Variants in PLCG2 observed in about 807,000 individuals in gnomAD.
PLCG2 encodes 1-phosphatidylinositol 4,5-bisphosphate phosphodiesterase gamma-2.
Under a neutral mutation model 175.6 loss-of-function variants are expected in PLCG2, and 69 were observed. That is an observed-to-expected ratio of 0.39 (90% CI 0.32 to 0.48). The LOEUF is 0.48. PLCG2 is among the 20% of genes least tolerant of loss of function. PLCG2 has a pLI of 0.91. For synonymous variants in PLCG2, 827 were observed against 624.0 expected (o/e 1.33, Z -4.85); for missense variants, 1,798 against 1,650.9 (o/e 1.09, Z -1.54).
rs4580152 is a variant in PLCG2 at position 81,858,042 on chromosome 16, C to G, written c.338-221C>G. 12 of 508,682 alleles carry G rather than the reference C, an allele frequency of 2.4e-5. No individual in the cohort carries two copies. In the Admixed American group the frequency reaches 3.8e-4, roughly 16 times the overall value. 31.5% of individuals were successfully genotyped at this position (508,682 alleles called of 1,614,324 possible). On this transcript the variant is annotated intron_variant, in intron 3 of 32. Coordinates refer to ENST00000564138, the MANE Select transcript of PLCG2 (RefSeq NM_002661.5). ...CACAGGAAATAACCCACTTGTCATC[C>G]CTGTGGTACAAAGCTCATCATGAAT...
chr16:81,783,460 C>T (rs1040859873), intron 1 of PLCG2, among the ~76,000 whole-genome samples: 2 of 152,326 alleles, frequency 1.3e-5, no homozygotes, highest in African/African-American at 2.4e-5. Context: ...CCCTTAACCT[C>T]TTTTGAGAGT....
At chr16:81,857,490 G>T (rs970273047) in intron 3 of PLCG2, among the ~76,000 whole-genome samples, 1 of 151,458 alleles carries the variant, frequency 6.6e-6, no homozygotes, top group Non-Finnish European at 1.5e-5. Context: ...TCACAATTCT[G>T]GGGGCTGGGA....
intron 1 of PLCG2, among the ~76,000 whole-genome samples, chr16:81,743,625 G>C (rs1411293882): frequency 6.6e-6 from 1 of 152,170 alleles, no homozygotes; most frequent in Admixed American, 6.5e-5. Flanking sequence ...TATTGGAACT[G>C]GTGGGTTAGG....
At chr16:81,880,370 C>T (rs772333665) in intron 7 of PLCG2, among the ~76,000 whole-genome samples, 5 of 152,188 alleles carry the variant, frequency 3.3e-5, no homozygotes, top group Admixed American at 6.5e-5. Flanking sequence ...TGTGTCTACG[C>T]GCTTTTCCTT....
Position 81,910,672 on chromosome 16 carries a change from T to C in PLCG2, c.1886T>C (p.Leu629Pro). ...CACCTGCGCTGCGCCGAGTTCGAGC[T>C]GCGGCTCACGGACCCTGTGCCCAAC... The part of the protein sequence containing the change: ...ETHLRCAEFE[L>P]RLTDPVPNPN... Residue 629 changes from leucine (L) to proline (P), a missense_variant, in exon 18 of 33, where the codon CTG (leucine) becomes CCG (proline). Transcript: ENST00000564138. 1 of 1,613,052 alleles carries C rather than the reference T, an allele frequency of 6.2e-7. No homozygotes were observed. The highest frequency in any genetic ancestry group is 8.5e-7 in the Non-Finnish European group (1 of 1,179,998).
At chr16:81,887,569 G>T (rs1908432546) in intron 9 of PLCG2, among the ~76,000 whole-genome samples, 1 of 152,198 alleles carries the variant, frequency 6.6e-6, no homozygotes, top group African/African-American at 2.4e-5. Flanking sequence ...GTCAACAGCA[G>T]TTCATTTTTG....
At chr16:81,935,486 C>G in intron 26 of PLCG2, 1 of 976,642 alleles carries the variant, frequency 1.0e-6, no homozygotes, top group South Asian at 4.7e-5. Flanking sequence ...TGATGCTGTA[C>G]GTATTTTTTT....
At chr16:81,827,150 A>G (rs1237994393) in intron 2 of PLCG2, among the ~76,000 whole-genome samples, 1 of 151,160 alleles carries the variant, frequency 6.6e-6, no homozygotes, top group Admixed American at 6.6e-5. Flanking sequence ...ATGTGTGGTA[A>G]GGTGCATGGT....
intron 6 of PLCG2, among the ~76,000 whole-genome samples, chr16:81,869,625 A>G (rs139649867): frequency 1.3e-5 from 2 of 152,314 alleles, no homozygotes; most frequent in African/African-American, 2.4e-5. Context: ...AAATGAATGC[A>G]TGTATGTCTT....
At chr16:81,928,096 G>GCAGA (rs750003573) in intron 23 of PLCG2, among the ~76,000 whole-genome samples, 7 of 152,132 alleles carry the variant, frequency 4.6e-5, no homozygotes, top group Non-Finnish European at 8.8e-5. Flanking sequence ...GCAATGGGAG[G>GCAGA]CAGAGCTGGA....
chr16:81,859,589 C>T (rs932528230), intron 5 of PLCG2, among the ~76,000 whole-genome samples: 35 of 151,758 alleles, frequency 2.3e-4, no homozygotes, highest in Middle Eastern at 3.4e-3. Context: ...GGCTGGAGTG[C>T]AGTGGCATGA....
chr16:81,898,689 C>T (rs962894410), intron 13 of PLCG2: 2 of 152,162 alleles, frequency 1.3e-5, no homozygotes, highest in East Asian at 1.9e-4. Flanking sequence ...AAAACTCCAT[C>T]TATACAGTAT....
At chr16:81,842,819 G>A (rs150106094) in intron 2 of PLCG2, 1 of 152,180 alleles carries the variant, frequency 6.6e-6, no homozygotes, top group East Asian at 1.9e-4. Context: ...GTGAGAGGAA[G>A]CTATGAGACG....
chr16:81,832,406 T>C (rs1362688857), intron 2 of PLCG2, among the ~76,000 whole-genome samples: 1 of 152,236 alleles, frequency 6.6e-6, no homozygotes, highest in Admixed American at 6.5e-5. Flanking sequence ...CTGCCTTTTT[T>C]TGAGACACGA....
At chr16:81,830,519 C>G (rs1905217275) in intron 2 of PLCG2, among the ~76,000 whole-genome samples, 1 of 151,968 alleles carries the variant, frequency 6.6e-6, no homozygotes, top group African/African-American at 2.4e-5. Context: ...GTTGGCCATG[C>G]TGGTCTTGGA....
At chr16:81,805,509 A>AC (rs1464144468) in intron 2 of PLCG2, among the ~76,000 whole-genome samples, 5 of 150,984 alleles carry the variant, frequency 3.3e-5, no homozygotes, top group Non-Finnish European at 7.4e-5. Flanking sequence ...AGAAAAAAAA[A>AC]AAAAAAAAAC....
intron 7 of PLCG2, among the ~76,000 whole-genome samples, chr16:81,878,533 C>G (rs1031623586): frequency 1.3e-5 from 2 of 152,146 alleles, no homozygotes; most frequent in Non-Finnish European, 2.9e-5. Flanking sequence ...CAACTACAGC[C>G]CCATTTATCT....
chr16:81,893,209 G>A (rs1039307160), intron 11 of PLCG2, among the ~76,000 whole-genome samples: 1 of 152,182 alleles, frequency 6.6e-6, no homozygotes, highest in Non-Finnish European at 1.5e-5. Context: ...AAGGAGGAAA[G>A]TGCATTAAAG....
At chr16:81,819,157 G>A (rs901750672) in intron 2 of PLCG2, among the ~76,000 whole-genome samples, 1 of 152,006 alleles carries the variant, frequency 6.6e-6, no homozygotes, top group Non-Finnish European at 1.5e-5. Flanking sequence ...GGAGGTTGGC[G>A]GTGCTTGAGC....
Sources: allele counts gnomAD v4.1 joint callset (sites outside exome capture counted in the v4.1 genomes callset), GRCh38; gene constraint gnomAD v4.1.1; transcripts MANE v1.5; gene names NCBI Gene and HGNC (gene_info 2026-07-23, HGNC 2026-07-21).